The following ALDH1A3 variants were observed in gnomAD, a reference collection of about 807,000 sequenced individuals.
The protein encoded by ALDH1A3 is retinaldehyde dehydrogenase 3.
In ALDH1A3, 28 loss-of-function variants were observed where a neutral mutation model predicts 57.5. The observed-to-expected ratio is 0.49, with a 90% confidence interval of 0.36 to 0.67. ALDH1A3 has a LOEUF of 0.67. Among genes scored for constraint, ALDH1A3 ranks in the 30% least tolerant of loss-of-function variants. The pLI, the probability that ALDH1A3 is intolerant of heterozygous loss-of-function variation, is 0.00. For missense variants in ALDH1A3, 507 were observed against 669.4 expected (o/e 0.76, Z 2.68); for synonymous variants, 281 against 264.8 (o/e 1.06, Z -0.59).
intron 1 of ALDH1A3, among the ~76,000 whole-genome samples, chr15:100,881,916 G>T (rs1340075524): frequency 1.3e-5 from 2 of 152,208 alleles, no homozygotes; most frequent in Admixed American, 6.5e-5. Context: ...GCTGAGGGTG[G>T]CCAACCAGTG....
chr15:100,910,065 C>T (rs1415648213), intron 12 of ALDH1A3, among the ~76,000 whole-genome samples: 1 of 152,166 alleles, frequency 6.6e-6, no homozygotes, highest in Non-Finnish European at 1.5e-5. Flanking sequence ...AAGGGATGGG[C>T]CTGGCTTCCA....
chr15:100,914,439 C>T, intron 12 of ALDH1A3: 2 of 317,126 alleles, frequency 6.3e-6, no homozygotes, highest in Non-Finnish European at 1.2e-5. Flanking sequence ...CCTTCATTCT[C>T]TAAAGGGAAA....
Position 100,879,863 on chromosome 15 carries a change from G to A in ALDH1A3, c.-45G>A, listed in dbSNP as rs1415012351. The A allele has an allele frequency of 1.1e-5, 14 of 1,301,650 alleles. No individual in the cohort carries two copies. The Admixed American group carries it at 1.9e-4, about 18-fold the overall frequency. 80.6% of individuals were successfully genotyped at this position (1,301,650 alleles called of 1,614,324 possible). ...TGCGCAGTGTCCGGGCCGAGCCGGTGCGCCGCAGACTAGGGCGCCTCGGGC... is the reference window on the plus strand; with the variant it reads ...TGCGCAGTGTCCGGGCCGAGCCGGTACGCCGCAGACTAGGGCGCCTCGGGC... On this transcript the variant is annotated 5_prime_UTR_variant, in exon 1 of 13. Transcript: ENST00000329841.
chr15:100,893,308 C>A lies in ALDH1A3; in HGVS notation c.537+302C>A. 1 of 304,358 alleles carries A rather than the reference C, an allele frequency of 3.3e-6. No homozygotes were observed. Among genetic ancestry groups the A allele is most frequent in the East Asian group, 5.6e-5 (1 of 18,004 alleles). The allele number at this position is 304,358 out of a possible 1,614,324, so 18.9% of individuals were successfully genotyped here. ...AGCTGGGCCTTAAAGATAAGAAAGA[C>A]TTGTTCAACAAGGAAAAGGATTTTC... On this transcript the variant is annotated intron_variant, in intron 5 of 12. Coordinates refer to ENST00000329841, the MANE Select transcript of ALDH1A3 (RefSeq NM_000693.4). The surrounding 1 kb of genome is among the most constrained non-coding windows in gnomAD (Gnocchi z 4.8).
rs1216823046 is a variant in ALDH1A3 at position 100,880,005 on chromosome 15, A to G, written c.98A>G (p.Lys33Arg). 1.4e-6 allele frequency: 2 copies of G among 1,462,706 alleles called. No homozygotes were observed. Among genetic ancestry groups the G allele is most frequent in the Non-Finnish European group, 9.1e-7 (1 of 1,103,660 alleles). The allele number at this position is 1,462,706 out of a possible 1,614,324, so 90.6% of individuals were successfully genotyped here. A position where few individuals can be genotyped will look rare whatever the true frequency, so the allele number is the denominator to read the frequency against. ...PIRNLEVKFT[K>R]IFINNEWHES... ...CGCAACCTGGAGGTCAAGTTCACCA[A>G]GGTGAGGCGGGCGCCCCTCCCACCC... The change falls in exon 1 of 13, where the codon AAG (lysine) becomes AGG (arginine). Residue 33 changes from lysine (K) to arginine (R), a missense_variant and splice_region_variant. By Grantham distance (26) the Lys-to-Arg change is conservative. This residue lies in a region of ALDH1A3 where 75 missense variants were observed against 61.0 expected (regional missense o/e 1.23). Transcript: ENST00000329841.
At chr15:100,908,559 T>C in intron 12 of ALDH1A3, 77 bp downstream of exon 12, 1 of 1,332,226 alleles carries the variant, frequency 7.5e-7, no homozygotes, top group Non-Finnish European at 1.1e-6. Context: ...TGACACAGGC[T>C]CCAATCTGCT....
At chr15:100,883,599 A>G (rs577583961) in intron 1 of ALDH1A3, among the ~76,000 whole-genome samples, 63 of 150,804 alleles carry the variant, frequency 4.2e-4, no homozygotes, top group Middle Eastern at 7.0e-3. Context: ...TTGGTCCCCA[A>G]CCGACTCAGA....
chr15:100,892,900 G>A (rs2041664292), intron 4 of ALDH1A3, 45 bp from the exon 5 acceptor site: 1 of 1,598,340 alleles, frequency 6.3e-7, no homozygotes, highest in Admixed American at 1.7e-5. Flanking sequence ...TTCCTAACCT[G>A]GACTAAGTGA....
intron 7 of ALDH1A3, 65 bp from the exon 8 acceptor site, chr15:100,898,018 T>C: frequency 6.7e-7 from 1 of 1,484,044 alleles, no homozygotes. Context: ...TGTTCACTGA[T>C]GTTTACGCCT....
Position 100,889,049 on chromosome 15 carries a change from T to A in ALDH1A3, c.345+1337T>A, listed in dbSNP as rs1234435703. ...GGATCCTCAGACCCTCCTCTGGTCA[T>A]GAGGGAGTGATCAGAGGACATCTCA... On this transcript the variant is annotated intron_variant, in intron 3 of 12. Coordinates refer to ENST00000329841, the MANE Select transcript of ALDH1A3 (RefSeq NM_000693.4). This position sits in a 1 kb window ranked among gnomAD's most constrained non-coding sequence, Gnocchi z 5.1. The A allele has an allele frequency of 1.3e-5, 2 of 152,276 alleles. No homozygotes were observed. The highest frequency in any genetic ancestry group is 2.9e-5 in the Non-Finnish European group (2 of 68,062). The allele number at this position is 152,276 out of a possible 1,614,324, so 9.4% of individuals were successfully genotyped here.
chr15:100,889,277 A>G lies in ALDH1A3; in HGVS notation c.345+1565A>G, dbSNP rs28685242. Among the ~76,000 whole-genome samples, 1,065 of 152,302 alleles carry G rather than the reference A, an allele frequency of 7.0e-3. 16 individuals are homozygous for G. Among genetic ancestry groups the G allele is most frequent in the East Asian group, 0.022 (116 of 5,180 alleles). The stretch of plus-strand genomic sequence containing the variant: ...TTTAAAGGAGGGTGTCAGCCAGGAC[A>G]CGGAAATTGCTGTTGCCCCTGAATG... On this transcript the variant is annotated intron_variant, in intron 3 of 12. Transcript: ENST00000329841. This position sits in a 1 kb window ranked among gnomAD's most constrained non-coding sequence, Gnocchi z 5.1.
In ALDH1A3 at chr15:100,906,977, G is replaced by A. The variant is rs563786085; in HGVS notation, c.1234-144G>A. ...AATGCAGCTGAAGCAATGTTTGGAC[G>A]TTCTTTCTTCTCTAATCATCGTTTT... On this transcript the variant is annotated intron_variant, in intron 10 of 12. Coordinates refer to ENST00000329841, the MANE Select transcript of ALDH1A3 (RefSeq NM_000693.4). This position sits in a 1 kb window ranked among gnomAD's most constrained non-coding sequence, Gnocchi z 4.8. 124 of 854,230 alleles carry A rather than the reference G, an allele frequency of 1.5e-4. No individual in the cohort carries two copies. Among genetic ancestry groups the A allele is most frequent in the East Asian group, 1.2e-3 (44 of 35,606 alleles). The allele number at this position is 854,230 out of a possible 1,614,324, so 52.9% of individuals were successfully genotyped here. A position where few individuals can be genotyped will look rare whatever the true frequency, so the allele number is the denominator to read the frequency against.
Position 100,907,117 on chromosome 15 carries a change from A to T in ALDH1A3, c.1234-4A>T. The T allele has an allele frequency of 6.2e-7, 1 of 1,611,944 alleles. No individual in the cohort carries two copies. The highest frequency in any genetic ancestry group is 8.5e-7 in the Non-Finnish European group (1 of 1,178,706). Reference sequence around the variant, plus strand: ...CTCATTGCCATTCTTGCAATTAATCATAGATTTTCGGGCCAGTGCAACCAA... The same window carrying T: ...CTCATTGCCATTCTTGCAATTAATCTTAGATTTTCGGGCCAGTGCAACCAA... On this transcript the variant is annotated splice_polypyrimidine_tract_variant and splice_region_variant and intron_variant, in intron 10 of 12. Transcript: ENST00000329841.
Position 100,906,919 on chromosome 15 carries a change from T to C in ALDH1A3, c.1234-202T>C, listed in dbSNP as rs7171776. On this transcript the variant is annotated intron_variant, in intron 10 of 12. Transcript: ENST00000329841. The surrounding 1 kb of genome is among the most constrained non-coding windows in gnomAD (Gnocchi z 4.8). Reference sequence around the variant, plus strand: ...TTTGTTATTATTTTTTATTTTTGTTTCATGTTAATCCTTCCCTTCAGTCTC... The same window carrying C: ...TTTGTTATTATTTTTTATTTTTGTTCCATGTTAATCCTTCCCTTCAGTCTC... Among the ~76,000 whole-genome samples the C allele has an allele frequency of 0.027, 4,047 of 152,320 alleles. 175 individuals carry two copies. Among genetic ancestry groups the C allele is most frequent in the African/African-American group, 0.09 (3,723 of 41,548 alleles).
intron 11 of ALDH1A3, among the ~76,000 whole-genome samples, chr15:100,907,737 A>G (rs2041836606): frequency 6.6e-6 from 1 of 152,188 alleles, no homozygotes; most frequent in African/African-American, 2.4e-5. Flanking sequence ...CAATAAGCCC[A>G]GAATCATATA....
In ALDH1A3 at chr15:100,900,530, C is replaced by G. The variant is rs901282843; in HGVS notation, c.884-45C>G. 4.6e-6 allele frequency: 7 copies of G among 1,525,316 alleles called. No individual in the cohort carries two copies. The Admixed American group carries it at 1.2e-4, about 26-fold the overall frequency. The allele number at this position is 1,525,316 out of a possible 1,614,324, so 94.5% of individuals were successfully genotyped here. A position where few individuals can be genotyped will look rare whatever the true frequency, so the allele number is the denominator to read the frequency against. On this transcript the variant is annotated intron_variant, in intron 8 of 12. Coordinates refer to ENST00000329841, the MANE Select transcript of ALDH1A3 (RefSeq NM_000693.4). Reference sequence around the variant, plus strand: ...ACCAGTCCTGCTTTAACAACTTAATCGCTTCCTCTCGCTCTGCCCGCCTCC... The same window carrying G: ...ACCAGTCCTGCTTTAACAACTTAATGGCTTCCTCTCGCTCTGCCCGCCTCC...
chr15:100,915,228 C>T lies in ALDH1A3; in HGVS notation c.*455C>T, dbSNP rs891321243. The T allele has an allele frequency of 2.6e-5, 4 of 155,288 alleles. No homozygotes were observed. The highest frequency in any genetic ancestry group is 9.6e-5 in the African/African-American group (4 of 41,590). The allele number at this position is 155,288 out of a possible 1,614,324, so 9.6% of individuals were successfully genotyped here. Reference sequence around the variant, plus strand: ...GACCTGCTTACAGAGCAAGCCACGCCTCTTTCCGAGGTGAAGGTGGGACCA... The same window carrying T: ...GACCTGCTTACAGAGCAAGCCACGCTTCTTTCCGAGGTGAAGGTGGGACCA... On this transcript the variant is annotated 3_prime_UTR_variant, in exon 13 of 13. Transcript: ENST00000329841.
intron 1 of ALDH1A3, among the ~76,000 whole-genome samples, chr15:100,883,466 C>T (rs1316305653): frequency 1.3e-5 from 2 of 152,156 alleles, no homozygotes; most frequent in East Asian, 1.9e-4. Flanking sequence ...ACATTGGAGA[C>T]GCTAAGCTTC....
At chr15:100,897,792 G>A (rs1382698457) in intron 7 of ALDH1A3, among the ~76,000 whole-genome samples, 3 of 152,246 alleles carry the variant, frequency 2.0e-5, no homozygotes, top group African/African-American at 4.8e-5. Context: ...ACAGGTTAGC[G>A]GGTGGCAGCC....
Sources: allele counts gnomAD v4.1 joint callset (sites outside exome capture counted in the v4.1 genomes callset), GRCh38; gene constraint gnomAD v4.1.1; regional missense constraint gnomAD v4.1.1; non-coding constraint Gnocchi (gnomAD v3.1); transcripts MANE v1.5; gene names NCBI Gene and HGNC (gene_info 2026-07-23, HGNC 2026-07-21).